The following HDAC7 variants were observed in gnomAD, a reference collection of about 807,000 sequenced individuals.
HDAC7 encodes histone deacetylase 7A.
Under a neutral mutation model 115.5 loss-of-function variants are expected in HDAC7, and 26 were observed. The ratio of observed to expected loss-of-function variants is 0.23; its 90% CI spans 0.16 to 0.31. The LOEUF (loss-of-function observed/expected upper bound fraction) is 0.31. Ranked by LOEUF, HDAC7 falls within the 10% of genes least tolerant of loss-of-function variation. HDAC7 has a pLI of 1.00. For synonymous variants in HDAC7, 564 were observed against 550.9 expected, an observed-to-expected ratio of 1.02 and a Z score of -0.33; for missense variants, 1,068 against 1,329.0, an observed-to-expected ratio of 0.80 and a Z score of 3.05.
intron 21 of HDAC7, 35 bp from the exon 22 acceptor site, chr12:47,786,738 G>T: frequency 6.4e-7 from 1 of 1,557,946 alleles, no homozygotes; most frequent in Non-Finnish European, 8.8e-7. Flanking sequence ...TCATCGTACT[G>T]TGCAGGGTTG....
At chr12:47,807,205 GT>G (rs1944443295) in intron 1 of HDAC7, among the ~76,000 whole-genome samples, 1 of 152,046 alleles carries the variant, frequency 6.6e-6, no homozygotes, top group Admixed American at 6.6e-5. Flanking sequence ...TTCCCAAAGT[GT>G]TAGGATTACA....
At chr12:47,784,623 A>ACCAGTGCTCAGC in intron 24 of HDAC7, 1 of 1,181,292 alleles carries the variant, frequency 8.5e-7, no homozygotes, top group Non-Finnish European at 1.2e-6. Flanking sequence ...CACAGCCCCC[A>ACCAGTGCTCAGC]CCAGTGCTCA....
chr12:47,785,689 T>C (rs1308959706), intron 23 of HDAC7, 63 bp downstream of exon 23: 1 of 1,539,282 alleles, frequency 6.5e-7, no homozygotes, highest in Admixed American at 1.9e-5. Context: ...GCTCCTTGGG[T>C]AGTCCTGAGA....
chr12:47,790,050 A>C lies in HDAC7; in HGVS notation c.1984-130T>G, dbSNP rs1469266289. 1.9e-5 allele frequency: 13 copies of C among 668,650 alleles called. 1 individual carries two copies. The highest frequency in any genetic ancestry group is 1.9e-4 in the Admixed American group (8 of 41,758). 41.4% of individuals were successfully genotyped at this position (668,650 alleles called of 1,614,324 possible). On this transcript the variant is annotated intron_variant, in intron 16 of 25. Transcript: ENST00000080059. Reference sequence around the variant, plus strand: ...GCTGGGCAGACAGTGCTGCCTCCCCAGTGCCCCACCGCCCAAAGGCAAGGC... The same window carrying C: ...GCTGGGCAGACAGTGCTGCCTCCCCCGTGCCCCACCGCCCAAAGGCAAGGC...
chr12:47,796,211 G>A lies in HDAC7; in HGVS notation c.791C>T (p.Ser264Leu), dbSNP rs771710279. 5.6e-6 allele frequency: 9 copies of A among 1,606,850 alleles called. No individual in the cohort carries two copies. Among genetic ancestry groups the A allele is most frequent in the East Asian group, 2.2e-5 (1 of 44,670 alleles). The change falls in exon 8 of 26, where the codon TCG (serine) becomes TTG (leucine). Residue 264 changes from serine to leucine, a missense_variant. Around this residue, in one of 6 missense-constraint regions of HDAC7, gnomAD observed 618 missense variants for 701.5 expected, o/e 0.88. Coordinates refer to ENST00000080059, the MANE Select transcript of HDAC7 (RefSeq NM_015401.5). ...SEHGPNPILG[S>L]EALLGQRLRL... is the part of the protein sequence containing the mutation. Reference sequence around the variant, plus strand: ...CCAGTCTCGGCAAGGCCTTACCTCCGAGCCCAGGATGGGATTGGGGCCGTG... The same window carrying A: ...CCAGTCTCGGCAAGGCCTTACCTCCAAGCCCAGGATGGGATTGGGGCCGTG...
intron 1 of HDAC7, among the ~76,000 whole-genome samples, chr12:47,806,631 G>A (rs1026065270): frequency 6.6e-6 from 1 of 152,160 alleles, no homozygotes; most frequent in Non-Finnish European, 1.5e-5. Context: ...GGAGGCTGCA[G>A]TGAGCTGAGA....
chr12:47,798,864 G>A lies in HDAC7; in HGVS notation c.179C>T (p.Ala60Val). The A allele has an allele frequency of 6.4e-7, 1 of 1,556,112 alleles. No homozygotes were observed. Reference sequence around the variant, plus strand: ...GTGCAGGCGCTGGGGACGCTGCAGGGCCAGCAATGTGGGCTCTGGTGGGGG... The same window carrying A: ...GTGCAGGCGCTGGGGACGCTGCAGGACCAGCAATGTGGGCTCTGGTGGGGG... ...VEPPPEPTLL[A>V]LQRPQRLHHH... The change falls in exon 3 of 26, where the codon GCC (alanine) becomes GTC (valine). Residue 60 changes from alanine (A) to valine (V), a missense_variant. Ala to Val is a moderately conservative substitution (Grantham distance 64). Coordinates refer to ENST00000080059, the MANE Select transcript of HDAC7 (RefSeq NM_015401.5). This position sits in a 1 kb window ranked among gnomAD's most constrained non-coding sequence, Gnocchi z 4.3.
At chr12:47,816,908 G>A (rs57559473) in intron 1 of HDAC7, among the ~76,000 whole-genome samples, 1,812 of 152,202 alleles carry the variant, frequency 0.012, 46 homozygotes, top group African/African-American at 0.042. Flanking sequence ...CCCCCAGCCC[G>A]CGAGTCCATG....
intron 1 of HDAC7, among the ~76,000 whole-genome samples, chr12:47,812,332 G>A (rs1319025503): frequency 6.6e-6 from 1 of 152,198 alleles, no homozygotes. Flanking sequence ...CTGTGAACTG[G>A]GGCTAGGCCC....
intron 1 of HDAC7, among the ~76,000 whole-genome samples, 188 bp downstream of exon 1, chr12:47,819,579 A>G (rs1944958882): frequency 6.6e-6 from 1 of 151,452 alleles, no homozygotes; most frequent in Admixed American, 6.6e-5. Flanking sequence ...GGAGCCTGCC[A>G]GAGCCCCGCG....
intron 24 of HDAC7, 115 bp from the exon 25 acceptor site, chr12:47,784,332 T>C (rs1943035025): frequency 1.7e-6 from 2 of 1,188,094 alleles, no homozygotes; most frequent in Non-Finnish European, 2.3e-6. Context: ...GGAGCGGGCC[T>C]GTCCTCCACT....
chr12:47,798,359 C>A lies in HDAC7; in HGVS notation c.350-140G>T. 1 of 800,982 alleles carries A rather than the reference C, an allele frequency of 1.2e-6. No homozygotes were observed. The highest frequency in any genetic ancestry group is 1.7e-5 in the African/African-American group (1 of 59,334). 49.6% of individuals were successfully genotyped at this position (800,982 alleles called of 1,614,324 possible). A position where few individuals can be genotyped will look rare whatever the true frequency, so the allele number is the denominator to read the frequency against. ...GGCAAGAGCCAAGCCCGAGGCCCTA[C>A]CCCTCCCTAGAGCCTCCAGACACCA... On this transcript the variant is annotated intron_variant, in intron 4 of 25. Coordinates refer to ENST00000080059, the MANE Select transcript of HDAC7 (RefSeq NM_015401.5). This position sits in a 1 kb window ranked among gnomAD's most constrained non-coding sequence, Gnocchi z 4.3.
At position 47,795,966 on chromosome 12, in the gene HDAC7, G is replaced by A. The variant is rs60445039; in HGVS notation, c.846C>T (p.Phe282=). 833 of 1,550,094 alleles carry A rather than the reference G, an allele frequency of 5.4e-4. 7 individuals carry two copies. In the East Asian group the frequency reaches 0.017, roughly 32 times the overall value. Residue 282 remains phenylalanine (F), a synonymous_variant, in exon 9 of 26, where the codon TTC becomes TTT. Transcript: ENST00000080059. This position sits in a 1 kb window ranked among gnomAD's most constrained non-coding sequence, Gnocchi z 4.3. Reference sequence around the variant, plus strand: ...GCAGCAAGGACACTGTCGGCAAGGCGAACGGGGCCACAGAAGTCTCCTGCA... The same window carrying A: ...GCAGCAAGGACACTGTCGGCAAGGCAAACGGGGCCACAGAAGTCTCCTGCA... ...LRLQETSVAP[F]ALPTVSLLPA...
At chr12:47,784,681 A>T in intron 24 of HDAC7, 1 of 1,527,008 alleles carries the variant, frequency 6.5e-7, no homozygotes, top group Non-Finnish European at 8.8e-7. Context: ...CGAACACAAC[A>T]TGGGAGAACT....
In HDAC7 at chr12:47,798,660, C is replaced by T. The variant is rs767427120; in HGVS notation, c.259-8G>A. On this transcript the variant is annotated splice_polypyrimidine_tract_variant and splice_region_variant and intron_variant, in intron 3 of 25. Coordinates refer to ENST00000080059, the MANE Select transcript of HDAC7 (RefSeq NM_015401.5). This position sits in a 1 kb window ranked among gnomAD's most constrained non-coding sequence, Gnocchi z 4.3. ...CGGCGTGTCCATGGAGAGCTGTGGGCAGGGCCGGCAGCCCAGAAAGGGACA... is the reference window on the plus strand; with the variant it reads ...CGGCGTGTCCATGGAGAGCTGTGGGTAGGGCCGGCAGCCCAGAAAGGGACA... 1.2e-6 allele frequency: 2 copies of T among 1,610,446 alleles called. No homozygotes were observed. The highest frequency in any genetic ancestry group is 2.2e-5 in the South Asian group (2 of 90,288).
In HDAC7 at chr12:47,789,872, G is replaced by A. The variant is rs540423465; in HGVS notation, c.2032C>T (p.Arg678Cys). ...WNELHSSNAA[R>C]WAAGSVTDLA... ...TCAGTGACACTGCCAGCGGCCCAGCGGGCTGCATTGGAGGAATGAAGCTCA... is the reference window on the plus strand; with the variant it reads ...TCAGTGACACTGCCAGCGGCCCAGCAGGCTGCATTGGAGGAATGAAGCTCA... The change falls in exon 17 of 26, where the codon CGC (arginine) becomes TGC (cysteine). Residue 678 changes from arginine to cysteine, a missense_variant. Arg to Cys is a radical substitution (Grantham distance 180, BLOSUM62 -3). Around this residue, in one of 6 missense-constraint regions of HDAC7, gnomAD observed 182 missense variants for 301.1 expected, o/e 0.60. Transcript: ENST00000080059. 2.5e-6 allele frequency: 4 copies of A among 1,613,868 alleles called. No homozygotes were observed. The highest frequency in any genetic ancestry group is 2.2e-5 in the East Asian group (1 of 44,882).
intron 2 of HDAC7, among the ~76,000 whole-genome samples, chr12:47,799,445 G>T (rs1244610657): frequency 2.0e-5 from 3 of 152,200 alleles, no homozygotes; most frequent in African/African-American, 7.2e-5. Context: ...GGCCCACTTT[G>T]TTCTGCCTCC....
intron 1 of HDAC7, 55 bp downstream of exon 1, chr12:47,819,712 G>A (rs1944967531): frequency 2.1e-6 from 1 of 484,424 alleles, no homozygotes; most frequent in South Asian, 8.2e-5. Context: ...GCCTGGGCGG[G>A]CGACGCTGGG....
chr12:47,820,932 G>A (rs1945002616), upstream of HDAC7, among the ~76,000 whole-genome samples: 1 of 152,176 alleles, frequency 6.6e-6, no homozygotes, highest in South Asian at 2.1e-4. The surrounding 1 kb of genome is among the most constrained non-coding windows in gnomAD (Gnocchi z 4.3). Flanking sequence ...CTGGAGAGAA[G>A]GTCAGATTCA....
Sources: allele counts gnomAD v4.1 joint callset (sites outside exome capture counted in the v4.1 genomes callset), GRCh38; gene constraint gnomAD v4.1.1; regional missense constraint gnomAD v4.1.1; non-coding constraint Gnocchi (gnomAD v3.1); transcripts MANE v1.5; gene names NCBI Gene and HGNC (gene_info 2026-07-23, HGNC 2026-07-21).